Variants in PLBD2 observed in about 807,000 individuals in gnomAD.
The protein encoded by PLBD2 is phospholipase B domain containing 2.
PLBD2 carries 51 observed loss-of-function variants against 68.3 expected under a neutral mutation model. That is an observed-to-expected ratio of 0.75 (90% CI 0.60 to 0.94). The LOEUF is 0.94. Among genes scored for constraint, PLBD2 ranks in the 40% least tolerant of loss-of-function variants. The pLI is 0.00. For missense variants in PLBD2, 729 were observed against 792.2 expected (o/e 0.92, Z 0.96); for synonymous variants, 314 against 339.3 (o/e 0.93, Z 0.82).
intron 5 of PLBD2, 133 bp from the exon 6 acceptor site, chr12:113,380,612 G>T: frequency 1.5e-6 from 1 of 660,180 alleles, no homozygotes; most frequent in South Asian, 1.8e-5. Flanking sequence ...TTTGCTAAAT[G>T]ACAAAAAGGA....
chr12:113,361,023 C>T (rs958132050), intron 1 of PLBD2, among the ~76,000 whole-genome samples: 3 of 152,108 alleles, frequency 2.0e-5, no homozygotes, highest in Non-Finnish European at 2.9e-5. Flanking sequence ...AACCATAAAG[C>T]GAGCCCCATT....
chr12:113,385,349 C>T (rs1593291837), intron 9 of PLBD2, 66 bp downstream of exon 9: 1 of 1,403,854 alleles, frequency 7.1e-7, no homozygotes, highest in Non-Finnish European at 1.0e-6. Flanking sequence ...TTGCCCAGCT[C>T]CTTCCTAGGC....
intron 1 of PLBD2, among the ~76,000 whole-genome samples, chr12:113,368,049 C>G (rs935172130): frequency 4.6e-5 from 7 of 151,960 alleles, no homozygotes; most frequent in African/African-American, 1.2e-4. Context: ...GCCAGTACCC[C>G]CCAGCCTGGG....
At chr12:113,379,442 T>C (rs986657027) in intron 5 of PLBD2, among the ~76,000 whole-genome samples, 1 of 152,180 alleles carries the variant, frequency 6.6e-6, no homozygotes, top group Non-Finnish European at 1.5e-5. Context: ...CTAAGTTACT[T>C]AGCCTTTCTG....
rs187510761 is a variant in PLBD2, at chr12:113,380,057, T to G, written c.860-688T>G. Among the ~76,000 whole-genome samples the G allele has an allele frequency of 6.1e-4, 93 of 152,354 alleles. 1 individual carries two copies. The highest frequency in any genetic ancestry group is 2.2e-3 in the African/African-American group (93 of 41,588). On this transcript the variant is annotated intron_variant, in intron 5 of 11. Coordinates refer to ENST00000280800, the MANE Select transcript of PLBD2 (RefSeq NM_173542.4). ...TCATCTCTAGATTACTTGTAAGACC[T>G]AATACAATGCTACATTAATAGTTGT...
rs1957523671 is a variant in PLBD2 at position 113,384,133 on chromosome 12, A to G, written c.986A>G (p.Lys329Arg). Reference protein sequence around the residue: ...LVTLETTIGNKNPALWKYVRP... With the variant: ...LVTLETTIGNRNPALWKYVRP... The stretch of plus-strand genomic sequence containing the variant: ...ACACTGGAGACCACCATTGGCAACA[A>G]GAACCCAGCCCTGTGGAAGTATGTG... The change falls in exon 7 of 12, where the codon AAG becomes AGG. Residue 329 changes from lysine (K) to arginine (R), a missense_variant. Coordinates refer to ENST00000280800, the MANE Select transcript of PLBD2 (RefSeq NM_173542.4). The surrounding 1 kb of genome is among the most constrained non-coding windows in gnomAD (Gnocchi z 4.2). The G allele has an allele frequency of 6.2e-7, 1 of 1,611,648 alleles. No homozygotes were observed. Among genetic ancestry groups the G allele is most frequent in the African/African-American group, 1.3e-5 (1 of 75,010 alleles).
chr12:113,389,773 C>T lies in PLBD2; in HGVS notation c.*1147C>T, dbSNP rs1371376250. 1 of 151,970 alleles carries T rather than the reference C, an allele frequency of 6.6e-6. No homozygotes were observed. The highest frequency in any genetic ancestry group is 1.5e-5 in the Non-Finnish European group (1 of 68,054). The allele number at this position is 151,970 out of a possible 1,614,324, so 9.4% of individuals were successfully genotyped here. A position where few individuals can be genotyped will look rare whatever the true frequency, so the allele number is the denominator to read the frequency against. On this transcript the variant is annotated 3_prime_UTR_variant, in exon 12 of 12. Coordinates refer to ENST00000280800, the MANE Select transcript of PLBD2 (RefSeq NM_173542.4). ...CCAGGCTGGAGTGCAATGGCATAAT[C>T]TCTGCTCACTGCAACCTCTGCTTCC...
chr12:113,359,790 AGACAGC>A (rs1039083009), intron 1 of PLBD2, among the ~76,000 whole-genome samples: 50 of 152,022 alleles, frequency 3.3e-4, no homozygotes, highest in Non-Finnish European at 1.2e-4. Context: ...TGGGAAACAC[AGACAGC>A]GATAGAAGAG....
intron 1 of PLBD2, among the ~76,000 whole-genome samples, chr12:113,363,426 A>G (rs1158491062): frequency 3.9e-5 from 6 of 152,236 alleles, no homozygotes; most frequent in African/African-American, 1.4e-4. Context: ...GTGAGACCCT[A>G]TCTCAAACAA....
intron 1 of PLBD2, among the ~76,000 whole-genome samples, chr12:113,366,198 C>G (rs1313934363): frequency 6.6e-6 from 1 of 152,112 alleles, no homozygotes; most frequent in Non-Finnish European, 1.5e-5. Flanking sequence ...AGCCAACTTC[C>G]CACGAGACAG....
Position 113,388,681 on chromosome 12 carries a change from C to T in PLBD2, c.*55C>T. 1 of 1,495,314 alleles carries T rather than the reference C, an allele frequency of 6.7e-7. No individual in the cohort carries two copies. The highest frequency in any genetic ancestry group is 8.9e-7 in the Non-Finnish European group (1 of 1,121,238). The allele number at this position is 1,495,314 out of a possible 1,614,324, so 92.6% of individuals were successfully genotyped here. A position where few individuals can be genotyped will look rare whatever the true frequency, so the allele number is the denominator to read the frequency against. ...CCTGCTGACCCTCGTCAGGGTCACC[C>T]CCGTCCCAAGGCCACCGGACTTCTA... On this transcript the variant is annotated 3_prime_UTR_variant, in exon 12 of 12. Transcript: ENST00000280800.
chr12:113,371,292 A>C (rs1233306694), intron 2 of PLBD2, among the ~76,000 whole-genome samples: 3 of 152,242 alleles, frequency 2.0e-5, no homozygotes, highest in African/African-American at 7.2e-5. Context: ...CCAAAGTGGG[A>C]GTCCTTAAAA....
In PLBD2 at chr12:113,358,860, C is replaced by T; in HGVS notation, c.260C>T (p.Ala87Val). 6.6e-7 allele frequency: 1 copy of T among 1,524,524 alleles called. No individual in the cohort carries two copies. The highest frequency in any genetic ancestry group is 8.8e-7 in the Non-Finnish European group (1 of 1,138,424). The allele number at this position is 1,524,524 out of a possible 1,614,324, so 94.4% of individuals were successfully genotyped here. A position where few individuals can be genotyped will look rare whatever the true frequency, so the allele number is the denominator to read the frequency against. Residue 87 changes from alanine (A) to valine (V), a missense_variant, in exon 1 of 12, where the codon GCC becomes GTC. By Grantham distance (64) the Ala-to-Val change is moderately conservative. Coordinates refer to ENST00000280800, the MANE Select transcript of PLBD2 (RefSeq NM_173542.4). ...DGRHPDAVAW[A>V]NLTNAIRETG... ...CGCCACCCTGACGCCGTGGCCTGGG[C>T]CAACCTCACCAACGCCATCCGCGAG...
intron 1 of PLBD2, among the ~76,000 whole-genome samples, chr12:113,364,844 A>AG (rs2136901051): frequency 6.6e-6 from 1 of 152,190 alleles, no homozygotes; most frequent in East Asian, 1.9e-4. Flanking sequence ...AGTCCTCTGA[A>AG]GGGGGAGTCA....
At chr12:113,387,563 G>A (rs2136925381) in intron 10 of PLBD2, among the ~76,000 whole-genome samples, 181 bp from the exon 11 acceptor site, 1 of 152,326 alleles carries the variant, frequency 6.6e-6, no homozygotes, top group South Asian at 2.1e-4. Context: ...TGAAGGCAGA[G>A]TGACTTAGGT....
rs748247412 is a variant in PLBD2, at chr12:113,384,918, C to T, written c.1186C>T (p.Arg396Trp). The stretch of plus-strand genomic sequence containing the variant: ...CCCGGGTGGGCCCAGCCCCGGGAGC[C>T]GGGTGCTTACCATCCTGGAGCAGAT... ...FIPGGPSPGS[R>W]VLTILEQIPG... is the part of the protein sequence containing the mutation. The change falls in exon 8 of 12, where the codon CGG becomes TGG. Residue 396 changes from arginine to tryptophan, a missense_variant. Transcript: ENST00000280800. This position sits in a 1 kb window ranked among gnomAD's most constrained non-coding sequence, Gnocchi z 4.2. The T allele has an allele frequency of 1.0e-5, 14 of 1,335,750 alleles. No homozygotes were observed. The East Asian group carries it at 1.4e-4, about 13-fold the overall frequency. 82.7% of individuals were successfully genotyped at this position (1,335,750 alleles called of 1,614,324 possible).
chr12:113,370,565 C>G (rs1431513336), intron 2 of PLBD2, among the ~76,000 whole-genome samples: 8 of 150,158 alleles, frequency 5.3e-5, no homozygotes, highest in African/African-American at 2.0e-4. Flanking sequence ...CAACCTCTGC[C>G]TCCCTGGGTT....
intron 2 of PLBD2, 46 bp downstream of exon 2, chr12:113,369,255 C>T (rs1435232767): frequency 2.0e-6 from 3 of 1,482,550 alleles, no homozygotes; most frequent in Middle Eastern, 3.6e-4. Context: ...TGCCCCAGCC[C>T]CACAAGCATG....
rs1957596750 is a variant in PLBD2, at chr12:113,390,204, A to C, written c.*1578A>C. The stretch of plus-strand genomic sequence containing the variant: ...TATCTACCCACCCATTCATCCACCC[A>C]CCCATCCAACTACCTATCCATTCAT... On this transcript the variant is annotated 3_prime_UTR_variant, in exon 12 of 12. Coordinates refer to ENST00000280800, the MANE Select transcript of PLBD2 (RefSeq NM_173542.4). 1 of 148,054 alleles carries C rather than the reference A, an allele frequency of 6.8e-6. No homozygotes were observed. The highest frequency in any genetic ancestry group is 6.7e-5 in the Admixed American group (1 of 14,866). 9.2% of individuals were successfully genotyped at this position (148,054 alleles called of 1,614,324 possible).
Sources: allele counts gnomAD v4.1 joint callset (sites outside exome capture counted in the v4.1 genomes callset), GRCh38; gene constraint gnomAD v4.1.1; non-coding constraint Gnocchi (gnomAD v3.1); transcripts MANE v1.5; gene names NCBI Gene and HGNC (gene_info 2026-07-23, HGNC 2026-07-21).